Variants in GGH observed in about 807,000 individuals in gnomAD.
GGH encodes the protein gamma-Glu-X carboxypeptidase.
Under a neutral mutation model 39.2 loss-of-function variants are expected in GGH, and 18 were observed. The ratio of observed to expected loss-of-function variants is 0.46; its 90% confidence interval spans 0.32 to 0.68. The LOEUF is 0.68. Ranked by LOEUF, GGH falls within the 30% of genes least tolerant of loss-of-function variation. The probability of loss-of-function intolerance (pLI) is 0.04; values close to 1 mark genes in which losing one functional copy is unlikely to be tolerated. For missense variants in GGH, 367 were observed against 384.1 expected, an observed-to-expected ratio of 0.96 and a Z score of 0.37; for synonymous variants, 147 against 138.8, an observed-to-expected ratio of 1.06 and a Z score of -0.42.
In GGH at chr8:63,015,305, T is replaced by C; in HGVS notation, c.*27A>G. The C allele has an allele frequency of 2.5e-6, 3 of 1,187,290 alleles. No homozygotes were observed. Among genetic ancestry groups the C allele is most frequent in the East Asian group, 2.4e-5 (1 of 41,628 alleles). The allele number at this position is 1,187,290 out of a possible 1,614,324, so 73.5% of individuals were successfully genotyped here. On this transcript the variant is annotated 3_prime_UTR_variant, in exon 9 of 9. Coordinates refer to ENST00000260118, the MANE Select transcript of GGH (RefSeq NM_003878.3). ...CAGTTTAATCATGGAATTATTCAAA[T>C]TTGCTCTGTTAACAAATTGAAGACT...
In GGH at chr8:63,038,679, G is replaced by T. The variant is rs762056917; in HGVS notation, c.90C>A (p.Thr30=). Residue 30 remains threonine (T), a synonymous_variant, in exon 1 of 9, where the codon ACC becomes ACA. Coordinates refer to ENST00000260118, the MANE Select transcript of GGH (RefSeq NM_003878.3). The part of the protein sequence containing the change: ...SLELSRPHGD[T]AKKPIIGILM... ...CCTTACCGATGATGGGCTTCTTGGCGGTGTCGCCGTGGGGTCTAGACAGCT... is the reference window on the plus strand; with the variant it reads ...CCTTACCGATGATGGGCTTCTTGGCTGTGTCGCCGTGGGGTCTAGACAGCT... 2 of 1,537,880 alleles carry T rather than the reference G, an allele frequency of 1.3e-6. No individual in the cohort carries two copies. Among genetic ancestry groups the T allele is most frequent in the Admixed American group, 3.6e-5 (2 of 55,698 alleles).
At position 63,035,503 on chromosome 8, in the gene GGH, A is replaced by C. The variant is rs570685800; in HGVS notation, c.224+153T>G. 3.3e-5 allele frequency among the ~76,000 whole-genome samples: 5 copies of C among 152,112 alleles called. No homozygotes were observed. The South Asian group carries it at 1.0e-3, about 32-fold the overall frequency. ...GTATTTTTAGTAGAGACAGGGCTTC[A>C]CCAGGTTGGCCTGGCTGGTCTCGAA... is the stretch of plus-strand genomic sequence containing the variant. On this transcript the variant is annotated intron_variant, in intron 2 of 8. Coordinates refer to ENST00000260118, the MANE Select transcript of GGH (RefSeq NM_003878.3).
chr8:63,016,309 A>C lies in GGH; in HGVS notation c.836-856T>G, dbSNP rs185871076. Among the ~76,000 whole-genome samples the C allele has an allele frequency of 1.2e-3, 184 of 152,266 alleles. 2 individuals carry two copies. Among genetic ancestry groups the C allele is most frequent in the Middle Eastern group, 6.8e-3 (2 of 294 alleles). On this transcript the variant is annotated intron_variant, in intron 8 of 8. Transcript: ENST00000260118. ...AAATGTTCCTTTGGACTAATACTGT[A>C]TATGGGATACTTTTTTTTTTTAATT...
intron 1 of GGH, among the ~76,000 whole-genome samples, chr8:63,037,536 G>A (rs759252146): frequency 6.6e-6 from 1 of 152,152 alleles, no homozygotes; most frequent in African/African-American, 2.4e-5. Context: ...CAACTTTTGT[G>A]GCTTGTCATC....
At chr8:63,015,560 C>A (rs1804470844) in intron 8 of GGH, 107 bp from the exon 9 acceptor site, 1 of 600,876 alleles carries the variant, frequency 1.7e-6, no homozygotes, top group Non-Finnish European at 2.8e-6. Context: ...GGGAAAATAT[C>A]AACAAGAAGA....
intron 7 of GGH, 96 bp from the exon 8 acceptor site, chr8:63,017,726 T>C: frequency 1.5e-6 from 1 of 688,134 alleles, no homozygotes; most frequent in Non-Finnish European, 2.4e-6. Context: ...ATTTTATAAT[T>C]CACCTTATCA....
At position 63,030,291 on chromosome 8, in the gene GGH, CT is replaced by C. The variant is rs1376338500; in HGVS notation, c.225-75del. On this transcript the variant is annotated intron_variant, in intron 2 of 8. Transcript: ENST00000260118. Reference sequence around the variant, plus strand: ...CCTCTAAATGAAGTCTCCACATTTACTTTTAAAAAGCCAAATAAAAACAAAT... The same window carrying C: ...CCTCTAAATGAAGTCTCCACATTTACTTTAAAAAGCCAAATAAAAACAAAT... 9 of 727,112 alleles carry C rather than the reference CT, an allele frequency of 1.2e-5. No homozygotes were observed. In the Admixed American group the frequency reaches 2.0e-4, roughly 16 times the overall value. The allele number at this position is 727,112 out of a possible 1,614,324, so 45.0% of individuals were successfully genotyped here. A position where few individuals can be genotyped will look rare whatever the true frequency, so the allele number is the denominator to read the frequency against.
intron 7 of GGH, among the ~76,000 whole-genome samples, chr8:63,020,744 G>A (rs1349194323): frequency 6.6e-6 from 1 of 152,220 alleles, no homozygotes; most frequent in Non-Finnish European, 1.5e-5. Context: ...CAGGGTACAA[G>A]CTAGAGGTGA....
At chr8:63,035,496 G>C (rs1399571850) in intron 2 of GGH, among the ~76,000 whole-genome samples, 160 bp downstream of exon 2, 2 of 152,084 alleles carry the variant, frequency 1.3e-5, no homozygotes, top group Non-Finnish European at 2.9e-5. Flanking sequence ...AGTAGAGACA[G>C]GGCTTCACCA....
intron 7 of GGH, among the ~76,000 whole-genome samples, chr8:63,022,029 T>C (rs1804596489): frequency 6.6e-6 from 1 of 152,196 alleles, no homozygotes; most frequent in Non-Finnish European, 1.5e-5. Flanking sequence ...CTTTACTTTA[T>C]ATAAGCTAGA....
Position 63,015,175 on chromosome 8 carries a change from A to G in GGH, c.*157T>C. The G allele has an allele frequency of 2.3e-6, 1 of 429,010 alleles. No individual in the cohort carries two copies. 26.6% of individuals were successfully genotyped at this position (429,010 alleles called of 1,614,324 possible). A position where few individuals can be genotyped will look rare whatever the true frequency, so the allele number is the denominator to read the frequency against. ...TTATGTCTCACTATTTAATTATCTAATGTTATATAAATAGTCACATACAGA... is the reference window on the plus strand; with the variant it reads ...TTATGTCTCACTATTTAATTATCTAGTGTTATATAAATAGTCACATACAGA... On this transcript the variant is annotated 3_prime_UTR_variant, in exon 9 of 9. Coordinates refer to ENST00000260118, the MANE Select transcript of GGH (RefSeq NM_003878.3).
At chr8:63,018,296 TG>T (rs1262389501) in intron 7 of GGH, among the ~76,000 whole-genome samples, 1 of 152,132 alleles carries the variant, frequency 6.6e-6, no homozygotes, top group Non-Finnish European at 1.5e-5. Flanking sequence ...AAAGTGAATA[TG>T]TGTAATAGTT....
intron 2 of GGH, among the ~76,000 whole-genome samples, chr8:63,034,022 T>TAA (rs893416716): frequency 6.2e-5 from 9 of 146,254 alleles, no homozygotes; most frequent in African/African-American, 2.0e-4. Flanking sequence ...TATATATATA[T>TAA]AATATATATA....
rs372364012 is a variant in GGH, at chr8:63,027,296, T to A, written c.276-31A>T. ...ACAACGTTACATAAATCAAATAGGG[T>A]GTATTTTGCCACCCCCGACCCATAC... On this transcript the variant is annotated intron_variant, in intron 3 of 8. Coordinates refer to ENST00000260118, the MANE Select transcript of GGH (RefSeq NM_003878.3). The A allele has an allele frequency of 5.7e-5, 70 of 1,237,608 alleles. 3 individuals are homozygous for A. The South Asian group carries it at 7.8e-4, about 14-fold the overall frequency. The allele number at this position is 1,237,608 out of a possible 1,614,324, so 76.7% of individuals were successfully genotyped here. A position where few individuals can be genotyped will look rare whatever the true frequency, so the allele number is the denominator to read the frequency against.
intron 2 of GGH, 107 bp downstream of exon 2, chr8:63,035,549 C>A: frequency 1.4e-6 from 2 of 1,451,504 alleles, no homozygotes; most frequent in Non-Finnish European, 1.8e-6. Context: ...CAGTAGTCCA[C>A]CCGCCTTGGC....
intron 7 of GGH, among the ~76,000 whole-genome samples, chr8:63,022,204 T>C (rs981850528): frequency 6.6e-6 from 1 of 152,164 alleles, no homozygotes; most frequent in Non-Finnish European, 1.5e-5. Context: ...TCAAACAAGA[T>C]CATAAAGACA....
intron 7 of GGH, among the ~76,000 whole-genome samples, chr8:63,018,597 T>C (rs1197924987): frequency 6.6e-6 from 1 of 152,224 alleles, no homozygotes; most frequent in Non-Finnish European, 1.5e-5. Context: ...ACCTGCCTCA[T>C]GCAGCTCCAG....
intron 2 of GGH, among the ~76,000 whole-genome samples, chr8:63,033,983 T>TTATATA (rs10671033): frequency 0.094 from 13,500 of 143,066 alleles, 903 homozygotes; most frequent in East Asian, 0.4. Context: ...TTGTCTCTCC[T>TTATATA]TATATATATA....
chr8:63,017,696 G>T, intron 7 of GGH, 66 bp from the exon 8 acceptor site: 2 of 953,822 alleles, frequency 2.1e-6, no homozygotes, highest in Non-Finnish European at 3.1e-6. Flanking sequence ...AATGAAATTG[G>T]TTTATTTCTT....
Sources: gnomAD v4.1 joint callset for allele counts (sites outside exome capture counted in the v4.1 genomes callset) on GRCh38, gnomAD v4.1.1 for gene constraint, MANE v1.5 for transcripts, NCBI Gene and HGNC (gene_info 2026-07-23, HGNC 2026-07-21) for gene names.